Variants in DLC1 observed in about 807,000 individuals in gnomAD.
The protein encoded by DLC1 is rho GTPase-activating protein 7.
In DLC1, 54 loss-of-function variants were observed where a neutral mutation model predicts 140.3. The observed-to-expected ratio is 0.38, with a 90% CI of 0.31 to 0.48. The LOEUF (loss-of-function observed/expected upper bound fraction) is 0.48, where lower values mean the gene tolerates loss of function less well. Ranked by LOEUF, DLC1 falls within the 20% of genes least tolerant of loss-of-function variation. DLC1 has a pLI of 0.96. For synonymous variants in DLC1, 986 were observed against 728.1 expected (o/e 1.35, Z -5.70); for missense variants, 2,536 against 1,907.0 (o/e 1.33, Z -6.14).
intron 5 of DLC1, among the ~76,000 whole-genome samples, chr8:13,258,337 C>G (rs34759891): frequency 2.0e-5 from 3 of 152,128 alleles, no homozygotes; most frequent in East Asian, 1.9e-4. Flanking sequence ...CAGAGAAGTA[C>G]AGGAAAGTAA....
At chr8:13,497,227 T>A (rs1257046074) in intron 2 of DLC1, among the ~76,000 whole-genome samples, 8 of 152,224 alleles carry the variant, frequency 5.3e-5, no homozygotes, top group Admixed American at 5.2e-4. Flanking sequence ...CTGGTAAATT[T>A]CTAAAAATGG....
intron 2 of DLC1, among the ~76,000 whole-genome samples, chr8:13,478,386 C>T (rs1029865713): frequency 1.3e-5 from 2 of 152,180 alleles, no homozygotes; most frequent in Non-Finnish European, 2.9e-5. Context: ...CCCACCAGGT[C>T]CCAACTCTGG....
At chr8:13,119,318 G>C (rs1317645586) in intron 5 of DLC1, among the ~76,000 whole-genome samples, 3 of 151,350 alleles carry the variant, frequency 2.0e-5, no homozygotes, top group African/African-American at 4.9e-5. Flanking sequence ...TCAGCTCCCT[G>C]TACCCAAGCA....
chr8:13,573,555 C>T (rs112429143), intron 1 of DLC1, among the ~76,000 whole-genome samples: 1 of 152,154 alleles, frequency 6.6e-6, no homozygotes, highest in Non-Finnish European at 1.5e-5. Flanking sequence ...AACTTGCAGT[C>T]TTTGACCACT....
rs1312568913 is a variant in DLC1 at position 13,499,571 on chromosome 8, A to G, written c.501T>C (p.Ala167=). 3.1e-6 allele frequency: 5 copies of G among 1,614,190 alleles called. No individual in the cohort carries two copies. In the East Asian group the frequency reaches 1.1e-4, roughly 36 times the overall value. The change falls in exon 2 of 18, where the codon GCT becomes GCC. Residue 167 remains alanine, a synonymous_variant. Coordinates refer to ENST00000276297, the MANE Select transcript of DLC1 (RefSeq NM_182643.3). ...NQVSSNSWGI[A]GETELALVKE... Reference sequence around the variant, plus strand: ...TTACCAGTGCTAATTCAGTTTCACCAGCTATTCCCCAGGAGTTAGAAGAAA... The same window carrying G: ...TTACCAGTGCTAATTCAGTTTCACCGGCTATTCCCCAGGAGTTAGAAGAAA...
chr8:13,161,030 G>A (rs575482355), intron 5 of DLC1, among the ~76,000 whole-genome samples: 98 of 152,300 alleles, frequency 6.4e-4, no homozygotes, highest in Non-Finnish European at 1.3e-3. Flanking sequence ...GCAGTGAGCC[G>A]AGATCGCGCC....
At chr8:13,364,408 C>G (rs1251305942) in intron 4 of DLC1, among the ~76,000 whole-genome samples, 1 of 152,060 alleles carries the variant, frequency 6.6e-6, no homozygotes, top group East Asian at 1.9e-4. Context: ...AAGCCAGTCT[C>G]CTGCCTCAGC....
rs1439867473 is a variant in DLC1, at chr8:13,100,221, C to T, written c.2116G>A (p.Glu706Lys). 6 of 1,614,206 alleles carry T rather than the reference C, an allele frequency of 3.7e-6. No individual in the cohort carries two copies. The highest frequency in any genetic ancestry group is 5.1e-6 in the Non-Finnish European group (6 of 1,180,048). ...GPILQEGMDE[E>K]KLKQLNCVEI... ...ACGCAGTTGAGCTGCTTCAGCTTCT[C>T]CTCATCCATCCCCTCTTGCAAGATG... Residue 706 changes from glutamate (E) to lysine (K), a missense_variant, in exon 9 of 18, where the codon GAG (glutamate) becomes AAG (lysine). By Grantham distance (56) the Glu-to-Lys change is moderately conservative. Transcript: ENST00000276297.
At chr8:13,481,099 A>T (rs1800711804) in intron 2 of DLC1, among the ~76,000 whole-genome samples, 1 of 152,166 alleles carries the variant, frequency 6.6e-6, no homozygotes, top group South Asian at 2.1e-4. Flanking sequence ...ATGGAAAGAC[A>T]ATAAATTTAA....
At chr8:13,560,475 G>C (rs547978584) in intron 1 of DLC1, among the ~76,000 whole-genome samples, 15 of 152,128 alleles carry the variant, frequency 9.9e-5, no homozygotes, top group Non-Finnish European at 1.6e-4. Flanking sequence ...TGAACAGGTA[G>C]GTTCCTCTAT....
chr8:13,357,888 AAG>A (rs1022412255), intron 4 of DLC1, among the ~76,000 whole-genome samples: 3 of 152,230 alleles, frequency 2.0e-5, no homozygotes, highest in Non-Finnish European at 4.4e-5. Flanking sequence ...AAGAAATTAG[AAG>A]AGAGCCTCTT....
At chr8:13,120,991 C>T (rs1821011030) in intron 5 of DLC1, among the ~76,000 whole-genome samples, 2 of 152,168 alleles carry the variant, frequency 1.3e-5, no homozygotes, top group Non-Finnish European at 2.9e-5. Context: ...TTCAATCTAC[C>T]ATTCGCTCTA....
chr8:13,095,171 G>A lies in DLC1; in HGVS notation c.3242C>T (p.Thr1081Met), dbSNP rs752787691. The A allele has an allele frequency of 5.2e-5, 84 of 1,614,110 alleles. No individual in the cohort carries two copies. The highest frequency in any genetic ancestry group is 1.4e-4 in the South Asian group (13 of 91,090). The change falls in exon 11 of 18, where the codon ACG (threonine) becomes ATG (methionine). Residue 1081 changes from threonine (T) to methionine (M), a missense_variant. By Grantham distance (81) the Thr-to-Met change is moderately conservative (BLOSUM62 -1). Coordinates refer to ENST00000276297, the MANE Select transcript of DLC1 (RefSeq NM_182643.3). Reference sequence around the variant, plus strand: ...TTGTCCTGTGCGCTGCACGTTGACCGTCAGTGGGACCCCAAACACACTCCG... The same window carrying A: ...TTGTCCTGTGCGCTGCACGTTGACCATCAGTGGGACCCCAAACACACTCCG... ...KDRSVFGVPL[T>M]VNVQRTGQPL...
chr8:13,600,094 A>C lies in DLC1; in HGVS notation c.-126+4443T>G, dbSNP rs139323049. Among the ~76,000 whole-genome samples, 131 of 152,056 alleles carry C rather than the reference A, an allele frequency of 8.6e-4. No individual in the cohort carries two copies. In the East Asian group the frequency reaches 0.023, roughly 27 times the overall value. ...CTAAACTGTGTCATTAGAAAGCAAT[A>C]GGAAACATGGTCCCCTTCTTTTAGG... is the stretch of plus-strand genomic sequence containing the variant. On this transcript the variant is annotated intron_variant, in intron 1 of 1. Transcript: ENST00000631382.
chr8:13,313,553 G>C (rs1011634750), intron 4 of DLC1, among the ~76,000 whole-genome samples: 1 of 152,196 alleles, frequency 6.6e-6, no homozygotes, highest in East Asian at 1.9e-4. Flanking sequence ...CATGGGAAGG[G>C]ATTATCACAC....
At chr8:13,436,883 G>T (rs1230109683) in intron 2 of DLC1, among the ~76,000 whole-genome samples, 1 of 152,022 alleles carries the variant, frequency 6.6e-6, no homozygotes, top group East Asian at 1.9e-4. Flanking sequence ...TGTCTAATTT[G>T]TAGCAATGGA....
intron 5 of DLC1, among the ~76,000 whole-genome samples, chr8:13,135,117 G>C (rs184089654): frequency 1.3e-3 from 205 of 152,228 alleles, no homozygotes; most frequent in African/African-American, 4.7e-3. Flanking sequence ...GATTCAACGG[G>C]AGGCCAGGAA....
chr8:13,521,210 A>G (rs1453991258), intron 1 of DLC1, among the ~76,000 whole-genome samples: 1 of 152,106 alleles, frequency 6.6e-6, no homozygotes, highest in Non-Finnish European at 1.5e-5. Context: ...ATGAAAGAAC[A>G]TGGACACAGG....
Position 13,530,202 on chromosome 8 carries a change from AC to A in DLC1, c.-125-30007del, listed in dbSNP as rs1803050383. Among the ~76,000 whole-genome samples, 4 of 152,180 alleles carry A rather than the reference AC, an allele frequency of 2.6e-5. No homozygotes were observed. In the South Asian group the frequency reaches 8.3e-4, roughly 31 times the overall value. ...CTTCTCTGTAGTTGACCAGTGTATT[AC>A]TTTTCTCTTCCCATATCTATTTAGA... On this transcript the variant is annotated intron_variant, in intron 1 of 1. Coordinates refer to the DLC1 transcript ENST00000631382.
Sources: gnomAD v4.1 joint callset for allele counts (sites outside exome capture counted in the v4.1 genomes callset) on GRCh38, gnomAD v4.1.1 for gene constraint, MANE v1.5 for transcripts, NCBI Gene and HGNC (gene_info 2026-07-23, HGNC 2026-07-21) for gene names.